APOBEC3D: variants seen among roughly 807,000 people sequenced by gnomAD.
The protein encoded by APOBEC3D is DNA dC->dU-editing enzyme APOBEC-3D.
In APOBEC3D, 37 loss-of-function variants were observed where a neutral mutation model predicts 45.6. The ratio of observed to expected loss-of-function variants is 0.81; its 90% confidence interval spans 0.62 to 1.07. The LOEUF is 1.07. APOBEC3D is among the 50% of genes least tolerant of loss of function. The pLI, the probability that APOBEC3D is intolerant of heterozygous loss-of-function variation, is 0.00. For missense variants in APOBEC3D, 496 were observed against 495.3 expected (o/e 1.00, Z -0.01); for synonymous variants, 175 against 180.7 (o/e 0.97, Z 0.25).
At chr22:39,021,670 C>T (rs906131715) in intron 1 of APOBEC3D, 134 bp downstream of exon 1, 13 of 1,251,014 alleles carry the variant, frequency 1.0e-5, no homozygotes, top group African/African-American at 4.5e-5. Context: ...CCTGCCGCCC[C>T]CACTCCCAGC....
chr22:39,028,033 T>C (rs1407962740), intron 4 of APOBEC3D, among the ~76,000 whole-genome samples: 1 of 152,202 alleles, frequency 6.6e-6, no homozygotes, highest in East Asian at 1.9e-4. Context: ...TTTGGTGGAA[T>C]TTCTGTAAGA....
rs773446740 is a variant in APOBEC3D at position 39,025,640 on chromosome 22, T to A, written c.574T>A (p.Ser192Thr). 3 of 1,614,072 alleles carry A rather than the reference T, an allele frequency of 1.9e-6. No homozygotes were observed. The South Asian group carries it at 3.3e-5, about 18-fold the overall frequency. The change falls in exon 4 of 7, where the codon TCC becomes ACC. Residue 192 changes from serine to threonine, a missense_variant. Physicochemically the swap from Ser to Thr is moderately conservative, Grantham distance 58. Transcript: ENST00000216099. ...GTACAAATTCGATGACAATTATGCA[T>A]CCCTGCACCGCACGCTAAAGGAGAT... The part of the protein sequence containing the change: ...PWYKFDDNYA[S>T]LHRTLKEILR...
chr22:39,029,933 G>C (rs1424849242), intron 5 of APOBEC3D, among the ~76,000 whole-genome samples: 5 of 152,076 alleles, frequency 3.3e-5, no homozygotes, highest in Non-Finnish European at 5.9e-5. Context: ...TTTTAAGTCG[G>C]TGGCCCAGAT....
At chr22:39,031,305 T>C (rs1017506234) in intron 5 of APOBEC3D, among the ~76,000 whole-genome samples, 1 of 152,186 alleles carries the variant, frequency 6.6e-6, no homozygotes, top group Non-Finnish European at 1.5e-5. Context: ...ATGTGGTTTA[T>C]GCTCATAGTC....
chr22:39,032,675 A>G lies in APOBEC3D; in HGVS notation c.*359A>G, dbSNP rs1463928457. On this transcript the variant is annotated 3_prime_UTR_variant, in exon 7 of 7. Transcript: ENST00000216099. The stretch of plus-strand genomic sequence containing the variant: ...ATGGCTGGATCTCAGCTCACTGCAA[A>G]CTCTGCTTACTGGGTTCAAGTGATT... 2 of 893,786 alleles carry G rather than the reference A, an allele frequency of 2.2e-6. No homozygotes were observed. Among genetic ancestry groups the G allele is most frequent in the African/African-American group, 3.8e-5 (2 of 52,960 alleles). 55.4% of individuals were successfully genotyped at this position (893,786 alleles called of 1,614,324 possible). A position where few individuals can be genotyped will look rare whatever the true frequency, so the allele number is the denominator to read the frequency against.
At chr22:39,023,994 A>C (rs1297269425) in intron 2 of APOBEC3D, among the ~76,000 whole-genome samples, 3 of 152,064 alleles carry the variant, frequency 2.0e-5, no homozygotes, top group Non-Finnish European at 4.4e-5. Flanking sequence ...TATGCTGGGC[A>C]GTCCTGGCCT....
At chr22:39,025,391 A>G (rs759622157) in intron 3 of APOBEC3D, 42 bp downstream of exon 3, 38 of 1,612,356 alleles carry the variant, frequency 2.4e-5, no homozygotes, top group South Asian at 3.3e-5. Flanking sequence ...GGGGAGGAAC[A>G]GCCTCAGAGA....
At chr22:39,021,610 G>A in intron 1 of APOBEC3D, 74 bp downstream of exon 1, 1 of 1,604,732 alleles carries the variant, frequency 6.2e-7, no homozygotes, top group Non-Finnish European at 8.5e-7. Context: ...CCTCAGCCCT[G>A]GCCTCCCCCT....
At position 39,025,260 on chromosome 22, in the gene APOBEC3D, G is replaced by A. The variant is rs762876801; in HGVS notation, c.401G>A (p.Arg134His). Residue 134 changes from arginine (R) to histidine (H), a missense_variant, in exon 3 of 7, where the codon CGC becomes CAC. Coordinates refer to ENST00000216099, the MANE Select transcript of APOBEC3D (RefSeq NM_152426.4). ...GTCACCCTGACCATCTCTGCCGCCC[G>A]CCTCTACTACTACCGGGATAGAGAT... ...PNVTLTISAA[R>H]LYYYRDRDWR... 3.1e-6 allele frequency: 5 copies of A among 1,614,086 alleles called. No homozygotes were observed. The highest frequency in any genetic ancestry group is 2.2e-5 in the East Asian group (1 of 44,864).
intron 6 of APOBEC3D, 101 bp from the exon 7 acceptor site, chr22:39,032,097 C>T: frequency 6.3e-7 from 1 of 1,581,772 alleles, no homozygotes; most frequent in African/African-American, 1.3e-5. Flanking sequence ...CCGGCGCCAG[C>T]TGCAACTGGC....
intron 4 of APOBEC3D, among the ~76,000 whole-genome samples, chr22:39,026,869 A>G (rs1300920108): frequency 6.6e-6 from 1 of 151,660 alleles, no homozygotes; most frequent in Non-Finnish European, 1.5e-5. Context: ...CCCTTGTCTC[A>G]GCCTCCCAAG....
intron 1 of APOBEC3D, 144 bp downstream of exon 1, chr22:39,021,680 C>T: frequency 8.5e-7 from 1 of 1,171,064 alleles, no homozygotes; most frequent in Non-Finnish European, 1.2e-6. Context: ...CCACTCCCAG[C>T]CAGACTCCTT....
intron 5 of APOBEC3D, 120 bp downstream of exon 5, chr22:39,029,639 TTC>T: frequency 8.3e-7 from 1 of 1,200,284 alleles, no homozygotes. Flanking sequence ...TTACATTTCT[TTC>T]TTTTTTTTTT....
rs1011989347 is a variant in APOBEC3D, at chr22:39,031,952, G to A, written c.1021G>A (p.Val341Met). 30 of 1,614,174 alleles carry A rather than the reference G, an allele frequency of 1.9e-5. No individual in the cohort carries two copies. Among genetic ancestry groups the A allele is most frequent in the Non-Finnish European group, 2.3e-5 (27 of 1,180,040 alleles). Residue 341 changes from valine to methionine, a missense_variant, in exon 6 of 7, where the codon GTG becomes ATG. Coordinates refer to ENST00000216099, the MANE Select transcript of APOBEC3D (RefSeq NM_152426.4). ...LCSLSQEGAS[V>M]KIMGYKDFVS... is the part of the protein sequence containing the mutation. Reference sequence around the variant, plus strand: ...CAGCCTGAGTCAGGAAGGGGCCTCCGTGAAGATCATGGGCTACAAAGGTGA... The same window carrying A: ...CAGCCTGAGTCAGGAAGGGGCCTCCATGAAGATCATGGGCTACAAAGGTGA...
At position 39,032,766 on chromosome 22, in the gene APOBEC3D, T is replaced by A; in HGVS notation, c.*450T>A. The A allele has an allele frequency of 4.9e-6, 1 of 206,052 alleles. No individual in the cohort carries two copies. Among genetic ancestry groups the A allele is most frequent in the African/African-American group, 2.8e-5 (1 of 36,004 alleles). The allele number at this position is 206,052 out of a possible 1,614,324, so 12.8% of individuals were successfully genotyped here. A position where few individuals can be genotyped will look rare whatever the true frequency, so the allele number is the denominator to read the frequency against. On this transcript the variant is annotated 3_prime_UTR_variant, in exon 7 of 7. Coordinates refer to ENST00000216099, the MANE Select transcript of APOBEC3D (RefSeq NM_152426.4). ...TGCCACCACGCCCAGCTAATTTTTT[T>A]TTTTTTTTTTTTTTTTTTTTGTATT...
At position 39,025,705 on chromosome 22, in the gene APOBEC3D, C is replaced by T. The variant is rs529621406; in HGVS notation, c.605+34C>T. 4.3e-6 allele frequency: 7 copies of T among 1,613,456 alleles called. No individual in the cohort carries two copies. The East Asian group carries it at 1.6e-4, about 36-fold the overall frequency. On this transcript the variant is annotated intron_variant, in intron 4 of 6. Coordinates refer to ENST00000216099, the MANE Select transcript of APOBEC3D (RefSeq NM_152426.4). ...CTCCCTCTGGCCTCATCGTCTCTCTCCTCTCGCCTCCTGCTCATCCTCCTG... is the reference window on the plus strand; with the variant it reads ...CTCCCTCTGGCCTCATCGTCTCTCTTCTCTCGCCTCCTGCTCATCCTCCTG...
intron 4 of APOBEC3D, 73 bp downstream of exon 4, chr22:39,025,744 C>T (rs1925589609): frequency 2.1e-5 from 34 of 1,607,050 alleles, no homozygotes; most frequent in Non-Finnish European, 2.9e-5. Context: ...ACTCCCCTGG[C>T]TGGGCCCTCC....
chr22:39,026,779 G>A (rs1007598008), intron 4 of APOBEC3D, among the ~76,000 whole-genome samples: 2 of 150,256 alleles, frequency 1.3e-5, no homozygotes, highest in East Asian at 1.9e-4. Flanking sequence ...TTGAGACAGC[G>A]TCTCCCTCTG....
At position 39,026,424 on chromosome 22, in the gene APOBEC3D, A is replaced by G. The variant is rs146905038; in HGVS notation, c.605+753A>G. Among the ~76,000 whole-genome samples, 25 of 152,350 alleles carry G rather than the reference A, an allele frequency of 1.6e-4. No individual in the cohort carries two copies. The East Asian group carries it at 2.9e-3, about 18-fold the overall frequency. On this transcript the variant is annotated intron_variant, in intron 4 of 6. Coordinates refer to ENST00000216099, the MANE Select transcript of APOBEC3D (RefSeq NM_152426.4). Reference sequence around the variant, plus strand: ...CACCACTTTAGTGTACTTGTCTCCAAATACAGTTATCCTGTGAGGAGGTGG... The same window carrying G: ...CACCACTTTAGTGTACTTGTCTCCAGATACAGTTATCCTGTGAGGAGGTGG...
Sources: allele counts gnomAD v4.1 joint callset (sites outside exome capture counted in the v4.1 genomes callset), GRCh38; gene constraint gnomAD v4.1.1; transcripts MANE v1.5; gene names NCBI Gene and HGNC (gene_info 2026-07-23, HGNC 2026-07-21).